The following SNX31 variants were observed in gnomAD, a reference collection of about 807,000 sequenced individuals.
SNX31 encodes sorting nexin-31.
In SNX31, 58 loss-of-function variants were observed where a neutral mutation model predicts 65.4. That is an observed-to-expected ratio of 0.89 (90% CI 0.72 to 1.10). The LOEUF is 1.10. Ranked by LOEUF, SNX31 falls within the 50% of genes least tolerant of loss-of-function variation. The pLI, the probability that SNX31 is intolerant of heterozygous loss-of-function variation, is 0.00. For synonymous variants in SNX31, 181 were observed against 190.1 expected (o/e 0.95, Z 0.39); for missense variants, 523 against 529.7 (o/e 0.99, Z 0.12).
intron 7 of SNX31, among the ~76,000 whole-genome samples, chr8:100,611,333 A>T (rs1816690903): frequency 6.6e-6 from 1 of 151,938 alleles, no homozygotes; most frequent in Non-Finnish European, 1.5e-5. Context: ...ATTTCCCACC[A>T]TTACCTGCTT....
intron 2 of SNX31, among the ~76,000 whole-genome samples, chr8:100,645,400 A>G (rs7841375): frequency 0.065 from 9,964 of 152,254 alleles, 453 homozygotes; most frequent in Non-Finnish European, 0.095. Context: ...TAGCTGAGAA[A>G]TATCTGGGAG....
In SNX31 at chr8:100,621,358, A is replaced by G. The variant is rs572182460; in HGVS notation, c.322-3628T>C. On this transcript the variant is annotated intron_variant, in intron 4 of 13. Coordinates refer to ENST00000311812, the MANE Select transcript of SNX31 (RefSeq NM_152628.4). ...TTTGGATAAGCTATATGGCTGCCCT[A>G]GCTCTAAGCTACCATGTGTTAAGCT... 3.3e-5 allele frequency among the ~76,000 whole-genome samples: 5 copies of G among 152,330 alleles called. No homozygotes were observed. In the South Asian group the frequency reaches 1.0e-3, roughly 32 times the overall value.
chr8:100,577,621 A>G (rs1431076851), intron 12 of SNX31, among the ~76,000 whole-genome samples: 2 of 152,232 alleles, frequency 1.3e-5, no homozygotes, highest in Non-Finnish European at 2.9e-5. Flanking sequence ...AGGTGTGGGC[A>G]GGATTACATT....
chr8:100,642,209 A>G (rs1819307890), intron 2 of SNX31, among the ~76,000 whole-genome samples: 1 of 152,232 alleles, frequency 6.6e-6, no homozygotes, highest in Non-Finnish European at 1.5e-5. Context: ...GGCTGCTGAA[A>G]CAACCTGGGA....
chr8:100,596,608 C>A lies in SNX31; in HGVS notation c.978+31G>T. On this transcript the variant is annotated intron_variant, in intron 10 of 13. Coordinates refer to ENST00000311812, the MANE Select transcript of SNX31 (RefSeq NM_152628.4). Reference sequence around the variant, plus strand: ...TCCAAGGGTACTAGGATTTTTAAGTCATGGGCAAAGCAAGGTGCCAAGATA... The same window carrying A: ...TCCAAGGGTACTAGGATTTTTAAGTAATGGGCAAAGCAAGGTGCCAAGATA... The A allele has an allele frequency of 2.5e-6, 4 of 1,599,212 alleles. No individual in the cohort carries two copies. The South Asian group carries it at 4.4e-5, about 18-fold the overall frequency.
rs183998158 is a variant in SNX31, at chr8:100,630,269, G to C, written c.321+58C>G. 6.5e-7 allele frequency: 1 copy of C among 1,537,278 alleles called. No homozygotes were observed. Among genetic ancestry groups the C allele is most frequent in the Non-Finnish European group, 9.0e-7 (1 of 1,111,974 alleles). On this transcript the variant is annotated intron_variant, in intron 4 of 13. Coordinates refer to ENST00000311812, the MANE Select transcript of SNX31 (RefSeq NM_152628.4). This position sits in a 1 kb window ranked among gnomAD's most constrained non-coding sequence, Gnocchi z 5.3. Reference sequence around the variant, plus strand: ...ACATGTGTGTGTACCTGCACACTTGGTTCATGAAGAGTGTCCTGCAGAGGA... The same window carrying C: ...ACATGTGTGTGTACCTGCACACTTGCTTCATGAAGAGTGTCCTGCAGAGGA...
intron 9 of SNX31, among the ~76,000 whole-genome samples, chr8:100,597,906 T>G (rs1290886732): frequency 6.6e-6 from 1 of 152,238 alleles, no homozygotes; most frequent in African/African-American, 2.4e-5. Context: ...TCCACTCTGT[T>G]CTTCCAGCTT....
At chr8:100,586,028 C>A (rs1399796574) in intron 11 of SNX31, among the ~76,000 whole-genome samples, 1 of 151,962 alleles carries the variant, frequency 6.6e-6, no homozygotes, top group African/African-American at 2.4e-5. Context: ...TCATGGGATT[C>A]TCCTGCCTTA....
At position 100,596,683 on chromosome 8, in the gene SNX31, C is replaced by G; in HGVS notation, c.934G>C (p.Val312Leu). The G allele has an allele frequency of 6.2e-7, 1 of 1,614,174 alleles. No individual in the cohort carries two copies. The highest frequency in any genetic ancestry group is 8.5e-7 in the Non-Finnish European group (1 of 1,180,038). The change falls in exon 10 of 14, where the codon GTT becomes CTT. Residue 312 changes from valine to leucine, a missense_variant. Coordinates refer to ENST00000311812, the MANE Select transcript of SNX31 (RefSeq NM_152628.4). ...CACTTCACCCTGCTCATCTGGAAAA[C>G]GATGTCCTGGGTCTGGCTGTCAGGC... ...TLPDSQTQDI[V>L]FQMSRVKCWQ...
chr8:100,579,447 T>C (rs1400233673), intron 12 of SNX31, among the ~76,000 whole-genome samples: 1 of 152,222 alleles, frequency 6.6e-6, no homozygotes, highest in Non-Finnish European at 1.5e-5. Flanking sequence ...TCCTGCACAG[T>C]AATTTCCCCC....
intron 3 of SNX31, among the ~76,000 whole-genome samples, chr8:100,631,761 C>T (rs1411808685): frequency 1.3e-5 from 2 of 152,144 alleles, no homozygotes; most frequent in Admixed American, 6.5e-5. Flanking sequence ...AGCATTCTGT[C>T]TTTTCTGAGG....
chr8:100,661,036 C>T (rs1042828819), intron 1 of SNX31, among the ~76,000 whole-genome samples: 3 of 135,220 alleles, frequency 2.2e-5, no homozygotes, highest in Non-Finnish European at 4.6e-5. Flanking sequence ...GACAGGGTCT[C>T]TCTCTGTCGC....
Position 100,612,140 on chromosome 8 carries a change from T to G in SNX31, c.524-53A>C. 9.1e-7 allele frequency: 1 copy of G among 1,103,008 alleles called. No homozygotes were observed. The highest frequency in any genetic ancestry group is 1.4e-6 in the Non-Finnish European group (1 of 734,540). 68.3% of individuals were successfully genotyped at this position (1,103,008 alleles called of 1,614,324 possible). On this transcript the variant is annotated intron_variant, in intron 6 of 13. Coordinates refer to ENST00000311812, the MANE Select transcript of SNX31 (RefSeq NM_152628.4). This position sits in a 1 kb window ranked among gnomAD's most constrained non-coding sequence, Gnocchi z 4.3. Reference sequence around the variant, plus strand: ...TGGTTGAAACAGCACAGACAGCTTATATATAGCAGCTTTCAAATGAGAAAA... The same window carrying G: ...TGGTTGAAACAGCACAGACAGCTTAGATATAGCAGCTTTCAAATGAGAAAA...
rs371719134 is a variant in SNX31, at chr8:100,643,620, G to A, written c.141+5654C>T. ...ATCCTCAGCACCATGAACCTTGAGC[G>A]GGAGCAACCCCAGACTCAGGGAGAT... On this transcript the variant is annotated intron_variant, in intron 2 of 13. Coordinates refer to ENST00000311812, the MANE Select transcript of SNX31 (RefSeq NM_152628.4). Among the ~76,000 whole-genome samples the A allele has an allele frequency of 1.5e-4, 23 of 152,158 alleles. No individual in the cohort carries two copies. The East Asian group carries it at 3.7e-3, about 24-fold the overall frequency.
At chr8:100,651,130 G>A (rs1819960782), upstream of SNX31, among the ~76,000 whole-genome samples, 2 of 152,234 alleles carry the variant, frequency 1.3e-5, no homozygotes, top group Admixed American at 6.5e-5. Flanking sequence ...GAGATTACAA[G>A]TGTGAAATTA....
chr8:100,658,863 A>G (rs922232996), intron 1 of SNX31, among the ~76,000 whole-genome samples: 43 of 152,156 alleles, frequency 2.8e-4, no homozygotes, highest in Non-Finnish European at 4.4e-5. Flanking sequence ...CTGCTGTTTG[A>G]TCACTCCTGG....
At chr8:100,581,024 A>AGT (rs1813449888) in intron 12 of SNX31, among the ~76,000 whole-genome samples, 1 of 151,348 alleles carries the variant, frequency 6.6e-6, no homozygotes, top group African/African-American at 2.4e-5. Flanking sequence ...GGCCAGGTAC[A>AGT]GTGGCTCATG....
chr8:100,659,310 C>A (rs1226045088), intron 1 of SNX31, among the ~76,000 whole-genome samples: 9 of 148,802 alleles, frequency 6.0e-5, no homozygotes, highest in East Asian at 2.0e-4. Context: ...ACACCACTGC[C>A]CTCCAGCCTC....
Position 100,649,498 on chromosome 8 carries a change from C to T in SNX31, c.17G>A (p.Cys6Tyr). 1 of 1,548,810 alleles carries T rather than the reference C, an allele frequency of 6.5e-7. No individual in the cohort carries two copies. The highest frequency in any genetic ancestry group is 8.7e-7 in the Non-Finnish European group (1 of 1,144,136). Residue 6 changes from cysteine (C) to tyrosine (Y), a missense_variant, in exon 1 of 14, where the codon TGT (cysteine) becomes TAT (tyrosine). Coordinates refer to ENST00000311812, the MANE Select transcript of SNX31 (RefSeq NM_152628.4). MKMHF[C>Y]IPVSQQRSDA... ...GGACCGCTGCTGGGACACCGGGATACAGAAATGCATCTTCATGGCTGAGCG... is the reference window on the plus strand; with the variant it reads ...GGACCGCTGCTGGGACACCGGGATATAGAAATGCATCTTCATGGCTGAGCG...
Sources: gnomAD v4.1 joint callset for allele counts (sites outside exome capture counted in the v4.1 genomes callset) on GRCh38, gnomAD v4.1.1 for gene constraint, Gnocchi (gnomAD v3.1) non-coding constraint, MANE v1.5 for transcripts, NCBI Gene and HGNC (gene_info 2026-07-23, HGNC 2026-07-21) for gene names.